NEK6: variants seen among roughly 807,000 people sequenced by gnomAD.
NEK6 encodes NIMA related kinase 6.
Under a neutral mutation model 43.5 loss-of-function variants are expected in NEK6, and 27 were observed. That is an observed-to-expected ratio of 0.62 (90% confidence interval 0.46 to 0.86). The LOEUF (loss-of-function observed/expected upper bound fraction) is 0.86, where lower values mean the gene tolerates loss of function less well. Among genes scored for constraint, NEK6 ranks in the 40% least tolerant of loss-of-function variants. NEK6 has a pLI of 0.00. For missense variants in NEK6, 318 were observed against 414.4 expected (o/e 0.77, Z 2.02); for synonymous variants, 167 against 164.1 (o/e 1.02, Z -0.14).
chr9:124,312,069 G>A (rs1833555617), intron 2 of NEK6, among the ~76,000 whole-genome samples: 1 of 152,222 alleles, frequency 6.6e-6, no homozygotes, highest in South Asian at 2.1e-4. Flanking sequence ...TTCTTATGAT[G>A]ACCTGGGGCA....
intron 1 of NEK6, among the ~76,000 whole-genome samples, chr9:124,270,533 A>G (rs116501735): frequency 6.6e-6 from 1 of 151,856 alleles, no homozygotes; most frequent in African/African-American, 2.4e-5. Flanking sequence ...TAAAAAAAAA[A>G]CACAAAAGTT....
intron 1 of NEK6, among the ~76,000 whole-genome samples, chr9:124,290,112 G>A (rs973790266): frequency 6.6e-6 from 1 of 152,258 alleles, no homozygotes; most frequent in African/African-American, 2.4e-5. Context: ...ACGGGTGGTA[G>A]GACTGGGCAA....
At chr9:124,258,152 C>T (rs1209493311) in intron 1 of NEK6, 67 bp downstream of exon 1, 1 of 976,250 alleles carries the variant, frequency 1.0e-6, no homozygotes, top group South Asian at 4.7e-5. Flanking sequence ...GGGGGCCGGG[C>T]GGCGGGGCCG....
intron 1 of NEK6, among the ~76,000 whole-genome samples, chr9:124,285,950 C>A (rs1341972856): frequency 2.0e-5 from 3 of 152,208 alleles, no homozygotes; most frequent in Non-Finnish European, 4.4e-5. Context: ...TGGGTACATA[C>A]TAAATAAATA....
At chr9:124,301,766 C>T (rs1048327840) in intron 1 of NEK6, among the ~76,000 whole-genome samples, 170 bp from the exon 2 acceptor site, 2 of 152,116 alleles carry the variant, frequency 1.3e-5, no homozygotes, top group Admixed American at 6.5e-5. Flanking sequence ...CTGTGTCACC[C>T]GGGGGTGTCA....
intron 5 of NEK6, among the ~76,000 whole-genome samples, chr9:124,322,857 G>T (rs146733233): frequency 6.6e-6 from 1 of 152,366 alleles, no homozygotes; most frequent in African/African-American, 2.4e-5. Context: ...AGGAATACAG[G>T]CGTCACTGGG....
chr9:124,311,276 A>G (rs990183450), intron 2 of NEK6, among the ~76,000 whole-genome samples: 5 of 152,222 alleles, frequency 3.3e-5, no homozygotes, highest in African/African-American at 1.2e-4. Flanking sequence ...ACTTCATGCT[A>G]GAAAGTTGAA....
chr9:124,338,093 G>C (rs921530673), intron 7 of NEK6, among the ~76,000 whole-genome samples: 2 of 152,174 alleles, frequency 1.3e-5, no homozygotes, highest in Non-Finnish European at 2.9e-5. Context: ...GGTTTCTTCT[G>C]CCTCAGCCTC....
chr9:124,312,487 G>A, intron 2 of NEK6, 22 bp from the exon 3 acceptor site: 1 of 1,608,764 alleles, frequency 6.2e-7, no homozygotes. Context: ...TGCTCACGGA[G>A]GCCCTCTGTC....
intron 1 of NEK6, among the ~76,000 whole-genome samples, chr9:124,282,349 G>A (rs1241983139): frequency 6.6e-6 from 1 of 152,198 alleles, no homozygotes; most frequent in East Asian, 1.9e-4. Flanking sequence ...GTCTGTCTCT[G>A]TGTCCATCCC....
chr9:124,304,959 G>T (rs559170865), intron 2 of NEK6, among the ~76,000 whole-genome samples: 1 of 152,292 alleles, frequency 6.6e-6, no homozygotes, highest in Admixed American at 6.5e-5. Flanking sequence ...GCTTTCATTG[G>T]GAATGAAGTG....
At chr9:124,339,933 A>G (rs1411604715) in intron 8 of NEK6, among the ~76,000 whole-genome samples, 1 of 152,030 alleles carries the variant, frequency 6.6e-6, no homozygotes, top group Non-Finnish European at 1.5e-5. Context: ...CAGGCCAGGC[A>G]TCTGATCCCC....
intron 7 of NEK6, among the ~76,000 whole-genome samples, chr9:124,329,830 G>A (rs1828874758): frequency 6.6e-6 from 1 of 152,246 alleles, no homozygotes; most frequent in Non-Finnish European, 1.5e-5. Flanking sequence ...ACACACGTTT[G>A]GTTGGGCAAG....
At chr9:124,314,028 G>T in intron 4 of NEK6, 43 bp downstream of exon 4, 1 of 1,594,394 alleles carries the variant, frequency 6.3e-7, no homozygotes, top group Non-Finnish European at 8.6e-7. Context: ...TCCTCGGGGA[G>T]GTTCTGGGGC....
chr9:124,280,131 G>A (rs1831829700), intron 1 of NEK6, among the ~76,000 whole-genome samples: 1 of 152,194 alleles, frequency 6.6e-6, no homozygotes, highest in South Asian at 2.1e-4. Flanking sequence ...GGAATTCCAG[G>A]TGTGCCTGGC....
rs1833116912 is a variant in NEK6, at chr9:124,303,798, T to C, written c.90+1744T>C. 3.9e-5 allele frequency among the ~76,000 whole-genome samples: 6 copies of C among 152,184 alleles called. No homozygotes were observed. In the South Asian group the frequency reaches 1.0e-3, roughly 26 times the overall value. On this transcript the variant is annotated intron_variant, in intron 2 of 9. Transcript: ENST00000320246. ...CTGGGGGCAGCAGGGCCTCCTCGGGTAATGTAGCAATTTGTCATATTAAGT... is the reference window on the plus strand; with the variant it reads ...CTGGGGGCAGCAGGGCCTCCTCGGGCAATGTAGCAATTTGTCATATTAAGT...
At chr9:124,299,434 A>G (rs1354199357) in intron 1 of NEK6, among the ~76,000 whole-genome samples, 1 of 152,166 alleles carries the variant, frequency 6.6e-6, no homozygotes, top group Non-Finnish European at 1.5e-5. Context: ...TATTCCCCCT[A>G]ACAAAGATGC....
At chr9:124,327,494 C>G in intron 7 of NEK6, 49 bp downstream of exon 7, 2 of 1,450,100 alleles carry the variant, frequency 1.4e-6, no homozygotes, top group Non-Finnish European at 1.9e-6. Context: ...GTCCTGGTGA[C>G]CATGCAGGGA....
At chr9:124,281,055 C>T (rs112162938) in intron 1 of NEK6, among the ~76,000 whole-genome samples, 85 of 152,242 alleles carry the variant, frequency 5.6e-4, no homozygotes, top group South Asian at 2.3e-3. Flanking sequence ...CCTCACAAAG[C>T]GCTTTTGTTT....
Sources: gnomAD v4.1 joint callset for allele counts (sites outside exome capture counted in the v4.1 genomes callset) on GRCh38, gnomAD v4.1.1 for gene constraint, MANE v1.5 for transcripts, NCBI Gene and HGNC (gene_info 2026-07-23, HGNC 2026-07-21) for gene names.